NOX1: variants seen among roughly 807,000 people sequenced by gnomAD.
NOX1 encodes the protein NADH/NADPH mitogenic oxidase subunit P65-MOX.
A neutral mutation model predicts 42.5 loss-of-function variants in NOX1; 34 were observed. The observed-to-expected ratio is 0.80, with a 90% confidence interval of 0.61 to 1.07. The LOEUF is 1.07. Ranked by LOEUF, NOX1 falls within the 50% of genes least tolerant of loss-of-function variation. The pLI, the probability that NOX1 is intolerant of heterozygous loss-of-function variation, is 0.00. For synonymous variants in NOX1, 143 were observed against 152.5 expected (o/e 0.94, Z 0.46); for missense variants, 408 against 427.0 (o/e 0.96, Z 0.39).
chrX:100,855,725 G>A (rs2085162241), intron 7 of NOX1: 1 of 1,034,755 alleles, frequency 9.7e-7, no homozygotes, highest in Non-Finnish European at 1.3e-6. Flanking sequence ...TGCCACCAAA[G>A]CCACCATGAC....
intron 12 of NOX1, among the ~76,000 whole-genome samples, chrX:100,847,412 C>A (rs1305134132): frequency 9.0e-6 from 1 of 111,076 alleles, no homozygotes; most frequent in East Asian, 2.8e-4. Context: ...GGGCAAGAAC[C>A]ATATCCTATT....
chrX:100,866,729 A>C (rs1314302497), intron 2 of NOX1, among the ~76,000 whole-genome samples: 1 of 97,710 alleles, frequency 1.0e-5, no homozygotes, highest in East Asian at 3.8e-4. Flanking sequence ...AATGTCCTAC[A>C]GAGTGGAATA....
In NOX1 at chrX:100,862,246, A is replaced by C. The variant is rs758100700; in HGVS notation, c.729T>G (p.Cys243Trp). 25 of 1,211,119 alleles carry C rather than the reference A, an allele frequency of 2.1e-5. No individual in the cohort carries two copies. The highest frequency in any genetic ancestry group is 2.8e-5 in the Non-Finnish European group (25 of 895,107). The change falls in exon 7 of 13, where the codon TGT (cysteine) becomes TGG (tryptophan). Residue 243 changes from cysteine to tryptophan, a missense_variant. Cys to Trp is a radical substitution (Grantham distance 215). Transcript: ENST00000372966. ...CATCCCACATCTCAAAAGACTCTGC[A>C]CACTTGCGAGGATGACTCTCATTCA... ...ESMNESHPRK[C>W]AESFEMWDDR...
At chrX:100,865,050 C>G (rs1175009575) in intron 2 of NOX1, among the ~76,000 whole-genome samples, 1 of 112,433 alleles carries the variant, frequency 8.9e-6, no homozygotes, top group African/African-American at 3.2e-5. Context: ...ACAAGATCTG[C>G]CTAGTATCTA....
At chrX:100,855,447 T>G (rs371682837) in intron 7 of NOX1, 11 of 728,263 alleles carry the variant, frequency 1.5e-5, no homozygotes, top group South Asian at 1.0e-4. Flanking sequence ...TGAATACTGA[T>G]TGTTGTAATT....
intron 7 of NOX1, among the ~76,000 whole-genome samples, chrX:100,859,708 G>GAT (rs1556133753): frequency 1.1e-5 from 1 of 91,150 alleles, no homozygotes; most frequent in Non-Finnish European, 2.2e-5. Flanking sequence ...CTTCTAGGTT[G>GAT]TTTTTTTTTT....
chrX:100,843,554 G>C lies in NOX1; in HGVS notation c.*398C>G, dbSNP rs1008546655. ...AAGTCACCCTACTTAGAAATCTTCTGTGGGGGTGGGAGGGACAAAAGATTA... is the reference window on the plus strand; with the variant it reads ...AAGTCACCCTACTTAGAAATCTTCTCTGGGGGTGGGAGGGACAAAAGATTA... On this transcript the variant is annotated 3_prime_UTR_variant, in exon 13 of 13. Transcript: ENST00000372966. 46 of 901,417 alleles carry C rather than the reference G, an allele frequency of 5.1e-5. No individual in the cohort carries two copies. In the African/African-American group the frequency reaches 9.1e-4, roughly 18 times the overall value. The allele number at this position is 901,417 out of a possible 1,213,427, so 74.3% of individuals were successfully genotyped here. A position where few individuals can be genotyped will look rare whatever the true frequency, so the allele number is the denominator to read the frequency against.
At chrX:100,868,173 A>G (rs184594209) in intron 2 of NOX1, among the ~76,000 whole-genome samples, 1 of 112,175 alleles carries the variant, frequency 8.9e-6, no homozygotes, top group Non-Finnish European at 1.9e-5. Context: ...TTAAAATGGA[A>G]AACAGCAGGG....
chrX:100,843,560 G>A lies in NOX1; in HGVS notation c.*392C>T. On this transcript the variant is annotated 3_prime_UTR_variant, in exon 13 of 13. Coordinates refer to ENST00000372966, the MANE Select transcript of NOX1 (RefSeq NM_007052.5). ...CCCTACTTAGAAATCTTCTGTGGGG[G>A]TGGGAGGGACAAAAGATTACAAACC... is the stretch of plus-strand genomic sequence containing the variant. The A allele has an allele frequency of 1.2e-6, 1 of 865,149 alleles. No individual in the cohort carries two copies. The highest frequency in any genetic ancestry group is 1.5e-6 in the Non-Finnish European group (1 of 654,176). The allele number at this position is 865,149 out of a possible 1,213,427, so 71.3% of individuals were successfully genotyped here. A position where few individuals can be genotyped will look rare whatever the true frequency, so the allele number is the denominator to read the frequency against.
chrX:100,872,802 G>A (rs1031830547), intron 1 of NOX1, among the ~76,000 whole-genome samples: 1 of 110,199 alleles, frequency 9.1e-6, no homozygotes, highest in African/African-American at 3.3e-5. Context: ...GAAGTCTAGA[G>A]AGGATAAATA....
chrX:100,853,403 C>T (rs1317153098), intron 7 of NOX1, among the ~76,000 whole-genome samples: 1 of 74,813 alleles, frequency 1.3e-5, no homozygotes, highest in Non-Finnish European at 2.5e-5. Flanking sequence ...TTCTTCCTTG[C>T]GTCCTTCCTT....
intron 10 of NOX1, 78 bp downstream of exon 10, chrX:100,849,694 A>G: frequency 9.8e-7 from 1 of 1,017,467 alleles, no homozygotes. Flanking sequence ...TCCCTTATCA[A>G]TTGTAAAGAG....
At chrX:100,866,926 C>T (rs1203730505) in intron 2 of NOX1, among the ~76,000 whole-genome samples, 1 of 111,604 alleles carries the variant, frequency 9.0e-6, no homozygotes, top group East Asian at 2.9e-4. Flanking sequence ...ACCTGTAATA[C>T]CCGGCCTTTG....
chrX:100,859,078 T>G (rs975257276), intron 7 of NOX1, among the ~76,000 whole-genome samples: 3 of 111,957 alleles, frequency 2.7e-5, no homozygotes, highest in Non-Finnish European at 5.6e-5. Flanking sequence ...TTGTCATAGA[T>G]GGCTCTTGTT....
At chrX:100,866,894 G>A (rs1381298888) in intron 2 of NOX1, among the ~76,000 whole-genome samples, 1 of 111,319 alleles carries the variant, frequency 9.0e-6, no homozygotes, top group East Asian at 2.8e-4. Flanking sequence ...ACCTACACTT[G>A]TGACTGGGCA....
chrX:100,862,932 T>C (rs2085215410), intron 4 of NOX1, 112 bp from the exon 5 acceptor site: 1 of 767,601 alleles, frequency 1.3e-6, no homozygotes, highest in Non-Finnish European at 2.0e-6. Flanking sequence ...GAATGCTGAG[T>C]GCACAGAAGG....
chrX:100,852,312 T>C (rs1472282741), intron 7 of NOX1, among the ~76,000 whole-genome samples: 1 of 110,312 alleles, frequency 9.1e-6, no homozygotes, highest in African/African-American at 3.3e-5. Context: ...CTGCTAAAAA[T>C]ACAAAAATTA....
At position 100,853,270 on chromosome X, in the gene NOX1, C is replaced by CTTTCT. The variant is rs2085131017; in HGVS notation, c.805-1950_805-1946dup. Among the ~76,000 whole-genome samples the CTTTCT allele has an allele frequency of 5.0e-5, 2 of 39,961 alleles. 1 individual carries two copies. Among genetic ancestry groups the CTTTCT allele is most frequent in the African/African-American group, 2.3e-4 (2 of 8,511 alleles). 34.7% of individuals were successfully genotyped at this position (39,961 alleles called of 115,157 possible). On this transcript the variant is annotated intron_variant, in intron 7 of 12. Transcript: ENST00000372966. ...CCTTCCTTCCTTCCTTCCTTTCTTT[C>CTTTCT]TTTCTTTCTTTCTTTCTTTCTTTCT...
At chrX:100,845,611 GTTTTT>G (rs773049273) in intron 12 of NOX1, among the ~76,000 whole-genome samples, 1 of 42,781 alleles carries the variant, frequency 2.3e-5, no homozygotes, top group Non-Finnish European at 3.9e-5. Context: ...GAAACTATGT[GTTTTT>G]TTTTTTTTTT....
Sources: allele counts gnomAD v4.1 joint callset (sites outside exome capture counted in the v4.1 genomes callset), GRCh38; gene constraint gnomAD v4.1.1; transcripts MANE v1.5; gene names NCBI Gene and HGNC (gene_info 2026-07-23, HGNC 2026-07-21).